Variants in WDR17 observed in about 807,000 individuals in gnomAD.
The protein encoded by WDR17 is WD repeat domain 17.
WDR17 carries 143 observed loss-of-function variants against 161.7 expected under a neutral mutation model. The observed-to-expected ratio is 0.88, with a 90% CI of 0.77 to 1.02. The LOEUF (loss-of-function observed/expected upper bound fraction) is 1.02, where lower values mean the gene tolerates loss of function less well. Ranked by LOEUF, WDR17 falls within the 50% of genes least tolerant of loss-of-function variation. WDR17 has a pLI of 0.00. For synonymous variants in WDR17, 517 were observed against 515.6 expected (o/e 1.00, Z -0.04); for missense variants, 1,469 against 1,520.9 (o/e 0.97, Z 0.57).
At chr4:176,151,717 T>C in intron 16 of WDR17, 95 bp from the exon 17 acceptor site, 1 of 1,122,290 alleles carries the variant, frequency 8.9e-7, no homozygotes, top group Admixed American at 2.8e-5. Context: ...AATTCCGCTC[T>C]ATTAGTTATT....
chr4:176,179,538 T>C lies in WDR17; in HGVS notation c.3811T>C (p.Phe1271Leu). The C allele has an allele frequency of 6.2e-7, 1 of 1,605,106 alleles. No individual in the cohort carries two copies. The highest frequency in any genetic ancestry group is 8.5e-7 in the Non-Finnish European group (1 of 1,175,068). ...DALMWAKVNP[F>L]SPLGTGIRLN... ...TTTGATGTGGGCAAAGGTGAATCCA[T>C]TCTCACCTTTAGGGACTGGAATACG... The change falls in exon 29 of 29, where the codon TTC (phenylalanine) becomes CTC (leucine). Residue 1271 changes from phenylalanine (F) to leucine (L), a missense_variant. Coordinates refer to ENST00000508596, the MANE Select transcript of WDR17 (RefSeq NM_181265.4).
chr4:176,110,173 G>T (rs188637295), intron 1 of WDR17, among the ~76,000 whole-genome samples: 4 of 151,566 alleles, frequency 2.6e-5, no homozygotes, highest in Admixed American at 2.6e-4. Context: ...ACAGAGTCTC[G>T]CTCTGTTGCC....
At chr4:176,176,793 A>G (rs955376255) in intron 26 of WDR17, among the ~76,000 whole-genome samples, 6 of 134,062 alleles carry the variant, frequency 4.5e-5, no homozygotes, top group African/African-American at 1.6e-4. Flanking sequence ...TTCATACATT[A>G]TGCAGTTCAT....
chr4:176,112,762 A>G (rs1436335059), intron 2 of WDR17, among the ~76,000 whole-genome samples: 1 of 151,986 alleles, frequency 6.6e-6, no homozygotes, highest in African/African-American at 2.4e-5. Flanking sequence ...CCATCTTTTA[A>G]TTCTCACATT....
Position 176,181,331 on chromosome 4 carries a change from G to A in WDR17, c.*1752G>A, listed in dbSNP as rs112787009. 2,341 of 158,208 alleles carry A rather than the reference G, an allele frequency of 0.015. 59 individuals carry two copies. The highest frequency in any genetic ancestry group is 0.054 in the African/African-American group (2,232 of 41,592). The allele number at this position is 158,208 out of a possible 1,614,324, so 9.8% of individuals were successfully genotyped here. A position where few individuals can be genotyped will look rare whatever the true frequency, so the allele number is the denominator to read the frequency against. On this transcript the variant is annotated 3_prime_UTR_variant, in exon 29 of 29. Coordinates refer to ENST00000508596, the MANE Select transcript of WDR17 (RefSeq NM_181265.4). ...AAAATACAAAAATTAGCTGGGTGTG[G>A]TGGTGTGTACCTGTAGTCCCAGCTA...
At chr4:176,105,993 A>G (rs1738653785) in intron 1 of WDR17, among the ~76,000 whole-genome samples, 1 of 152,122 alleles carries the variant, frequency 6.6e-6, no homozygotes, top group Non-Finnish European at 1.5e-5. Flanking sequence ...AAGTTGGAAC[A>G]TCTCTACAGA....
intron 1 of WDR17, among the ~76,000 whole-genome samples, chr4:176,095,452 T>A (rs974534767): frequency 6.6e-6 from 1 of 152,246 alleles, no homozygotes; most frequent in Admixed American, 6.6e-5. Flanking sequence ...GAGTAAGGAA[T>A]CACAGTAGAG....
At chr4:176,120,507 A>G (rs116000543) in intron 4 of WDR17, among the ~76,000 whole-genome samples, 5,085 of 152,022 alleles carry the variant, frequency 0.033, 147 homozygotes, top group South Asian at 0.082. Flanking sequence ...ATCTGCTTGT[A>G]AAAATACCAT....
intron 1 of WDR17, among the ~76,000 whole-genome samples, chr4:176,082,182 A>G (rs28531964): frequency 3.3e-5 from 5 of 150,864 alleles, no homozygotes; most frequent in African/African-American, 1.2e-4. Context: ...TATATGGATT[A>G]ATTTTTTCAC....
At chr4:176,117,112 G>A (rs1332065593) in intron 3 of WDR17, among the ~76,000 whole-genome samples, 1 of 151,934 alleles carries the variant, frequency 6.6e-6, no homozygotes, top group Non-Finnish European at 1.5e-5. Flanking sequence ...TATTCGGTGA[G>A]CTTCCATTAA....
chr4:176,161,927 A>G (rs1749087250), intron 20 of WDR17, 148 bp from the exon 21 acceptor site: 2 of 595,774 alleles, frequency 3.4e-6, no homozygotes, highest in Non-Finnish European at 5.6e-6. Flanking sequence ...CACTTTCCTG[A>G]TTTATTTTTT....
chr4:176,160,837 C>G (rs574616864), intron 19 of WDR17, 74 bp from the exon 20 acceptor site: 1 of 1,268,318 alleles, frequency 7.9e-7, no homozygotes, highest in East Asian at 2.5e-5. Context: ...ATACTTTGCT[C>G]AAAATCATAT....
intron 8 of WDR17, among the ~76,000 whole-genome samples, chr4:176,137,262 G>C (rs1344836116): frequency 6.6e-6 from 1 of 151,454 alleles, no homozygotes; most frequent in African/African-American, 2.4e-5. Context: ...TGCTGTCAGA[G>C]ATTTACTCCA....
chr4:176,073,573 A>G (rs1242893146), intron 1 of WDR17, among the ~76,000 whole-genome samples: 1 of 151,614 alleles, frequency 6.6e-6, no homozygotes, highest in South Asian at 2.1e-4. Context: ...ATACGTGTGC[A>G]TGTGTCTTTA....
rs1732939096 is a variant in WDR17 at position 176,069,421 on chromosome 4, G to T, written c.-7+3342G>T. ...ATCTATAATTAAGATAATACAGGAGGTAATTTAACAATGTTATTTGCTATG... is the reference window on the plus strand; with the variant it reads ...ATCTATAATTAAGATAATACAGGAGTTAATTTAACAATGTTATTTGCTATG... On this transcript the variant is annotated intron_variant, in intron 1 of 28. Transcript: ENST00000508596. Among the ~76,000 whole-genome samples, 2 of 152,074 alleles carry T rather than the reference G, an allele frequency of 1.3e-5. 1 individual carries two copies. Among genetic ancestry groups the T allele is most frequent in the South Asian group, 4.1e-4 (2 of 4,826 alleles).
intron 21 of WDR17, among the ~76,000 whole-genome samples, chr4:176,162,822 A>C (rs1439639378): frequency 6.6e-6 from 1 of 152,146 alleles, no homozygotes; most frequent in Non-Finnish European, 1.5e-5. Flanking sequence ...AGAAGCTCTT[A>C]AAAATTTACA....
chr4:176,171,039 C>T (rs1250535251), intron 23 of WDR17, among the ~76,000 whole-genome samples: 2 of 152,238 alleles, frequency 1.3e-5, no homozygotes, highest in Middle Eastern at 3.4e-3. Flanking sequence ...ATAATAATAT[C>T]TCATGTAATT....
chr4:176,172,949 C>T (rs1750947871), intron 24 of WDR17, among the ~76,000 whole-genome samples: 1 of 152,168 alleles, frequency 6.6e-6, no homozygotes, highest in Admixed American at 6.5e-5. Flanking sequence ...CACCTCCCTA[C>T]TCCAACATTG....
chr4:176,141,921 GT>G, intron 10 of WDR17, 61 bp from the exon 11 acceptor site: 1 of 1,263,744 alleles, frequency 7.9e-7, no homozygotes, highest in Admixed American at 2.2e-5. Flanking sequence ...TTCTGACTTT[GT>G]TTCCTTGAAT....
Sources: gnomAD v4.1 joint callset for allele counts (sites outside exome capture counted in the v4.1 genomes callset) on GRCh38, gnomAD v4.1.1 for gene constraint, MANE v1.5 for transcripts, NCBI Gene and HGNC (gene_info 2026-07-23, HGNC 2026-07-21) for gene names.